PPIE: variants seen among roughly 807,000 people sequenced by gnomAD.
The protein encoded by PPIE is peptidylprolyl isomerase E.
In PPIE, 20 loss-of-function variants were observed where a neutral mutation model predicts 38.4. The observed-to-expected ratio is 0.52, with a 90% CI of 0.37 to 0.76. The LOEUF is 0.76. Among genes scored for constraint, PPIE ranks in the 30% least tolerant of loss-of-function variants. The probability of loss-of-function intolerance (pLI) is 0.00; values close to 1 mark genes in which losing one functional copy is unlikely to be tolerated. For synonymous variants in PPIE, 142 were observed against 135.7 expected, an observed-to-expected ratio of 1.05 and a Z score of -0.32; for missense variants, 322 against 385.8, an observed-to-expected ratio of 0.83 and a Z score of 1.39.
At position 39,763,912 on chromosome 1, in the gene PPIE, C is replaced by G. The variant is rs1009090217; in HGVS notation, c.*170C>G. ...TGTCAAATAAATGAATGACAGGAAACCATTTGGTCTCATAAAGCCCATCCC... is the reference window on the plus strand; with the variant it reads ...TGTCAAATAAATGAATGACAGGAAAGCATTTGGTCTCATAAAGCCCATCCC... On this transcript the variant is annotated 3_prime_UTR_variant, in exon 10 of 10. Coordinates refer to the PPIE transcript ENST00000356511. 3.3e-6 allele frequency: 4 copies of G among 1,228,938 alleles called. No individual in the cohort carries two copies. In the East Asian group the frequency reaches 7.3e-5, roughly 22 times the overall value. The allele number at this position is 1,228,938 out of a possible 1,614,324, so 76.1% of individuals were successfully genotyped here.
rs774142939 is a variant in PPIE, at chr1:39,741,887, C to A, written c.175-8C>A. The A allele has an allele frequency of 6.2e-7, 1 of 1,614,056 alleles. No homozygotes were observed. The highest frequency in any genetic ancestry group is 8.5e-7 in the Non-Finnish European group (1 of 1,180,008). ...GCCTAAACTTGTACCTTTGTCTTTC[C>A]TTGGCAGGATGCTGCAGCAGCTATC... On this transcript the variant is annotated splice_polypyrimidine_tract_variant and splice_region_variant and intron_variant, in intron 3 of 9. Transcript: ENST00000324379.
downstream of PPIE, among the ~76,000 whole-genome samples, chr1:39,760,884 CTG>C (rs1445213058): frequency 6.6e-6 from 1 of 152,094 alleles, no homozygotes. Context: ...GGAAGGAGAA[CTG>C]TGTGGCCAGG....
intron 6 of PPIE, among the ~76,000 whole-genome samples, 165 bp downstream of exon 6, chr1:39,744,089 T>A (rs1394017436): frequency 6.6e-6 from 1 of 152,194 alleles, no homozygotes; most frequent in Non-Finnish European, 1.5e-5. Context: ...CTTAGTACTT[T>A]GGTAAAGTCA....
intron 1 of PPIE, 102 bp downstream of exon 1, chr1:39,739,033 C>CT (rs1646991891): frequency 7.9e-7 from 1 of 1,267,394 alleles, no homozygotes; most frequent in African/African-American, 1.6e-5. Context: ...CGGCGAGCTG[C>CT]TGTCAAGGCC....
intron 9 of PPIE, chr1:39,762,696 C>G (rs1569778940): frequency 1.4e-6 from 2 of 1,476,134 alleles, no homozygotes; most frequent in East Asian, 5.0e-5. Flanking sequence ...GCACACATAT[C>G]ACGGGCGGTC....
Position 39,743,251 on chromosome 1 carries a change from C to A in PPIE, c.237C>A (p.Val79=). 1 of 1,614,124 alleles carries A rather than the reference C, an allele frequency of 6.2e-7. No homozygotes were observed. The highest frequency in any genetic ancestry group is 1.1e-5 in the South Asian group (1 of 91,068). The change falls in exon 5 of 10, where the codon GTC becomes GTA. Residue 79 remains valine (V), a synonymous_variant. Transcript: ENST00000324379. ...ESELFGRTIR[V]NLAKPMRIKE... ...AGCTTTTTGGACGTACAATTCGTGTCAATTTGGCCAAACCAATGAGAATTA... is the reference window on the plus strand; with the variant it reads ...AGCTTTTTGGACGTACAATTCGTGTAAATTTGGCCAAACCAATGAGAATTA...
Position 39,753,061 on chromosome 1 carries a change from C to G in PPIE, c.837+9C>G. The G allele has an allele frequency of 1.2e-6, 2 of 1,614,010 alleles. No homozygotes were observed. The highest frequency in any genetic ancestry group is 1.7e-6 in the Non-Finnish European group (2 of 1,179,998). On this transcript the variant is annotated intron_variant, in intron 9 of 9. Coordinates refer to ENST00000324379, the MANE Select transcript of PPIE (RefSeq NM_006112.4). ...TCTTGCGGCAAATTGAGGTATGTGG[C>G]CAGGAATGGGCCTCCTCCTTACCCA...
rs1647974491 is a variant in PPIE at position 39,753,489 on chromosome 1, G to A, written c.*134G>A. On this transcript the variant is annotated 3_prime_UTR_variant, in exon 10 of 10. Transcript: ENST00000324379. ...ATTTGGGATATGTGCCCTTCCTCAG[G>A]GTCTGCTTGGAGCAGCTCCTCTGCA... The A allele has an allele frequency of 6.8e-7, 1 of 1,471,076 alleles. No homozygotes were observed. The highest frequency in any genetic ancestry group is 9.0e-7 in the Non-Finnish European group (1 of 1,112,936). The allele number at this position is 1,471,076 out of a possible 1,614,324, so 91.1% of individuals were successfully genotyped here. A position where few individuals can be genotyped will look rare whatever the true frequency, so the allele number is the denominator to read the frequency against.
rs201342411 is a variant in PPIE at position 39,753,383 on chromosome 1, G to A, written c.*28G>A. On this transcript the variant is annotated 3_prime_UTR_variant, in exon 10 of 10. Transcript: ENST00000324379. ...CGGCACTCTCTCTGCTTCCCCCTCC[G>A]CTCTTGACCCTGCATATCCAGGAAG... 1.2e-5 allele frequency: 19 copies of A among 1,609,470 alleles called. No homozygotes were observed. The highest frequency in any genetic ancestry group is 4.5e-5 in the East Asian group (2 of 44,894).
At position 39,754,014 on chromosome 1, in the gene PPIE, AT is replaced by A. The variant is rs1648028427; in HGVS notation, c.*663del. On this transcript the variant is annotated 3_prime_UTR_variant, in exon 10 of 10. Coordinates refer to ENST00000324379, the MANE Select transcript of PPIE (RefSeq NM_006112.4). ...TTATTTGTTCACTTTCACCCTACAG[AT>A]TTTAAAAAATGAAATTTTTATAACT... 1.0e-6 allele frequency: 1 copy of A among 985,426 alleles called. No individual in the cohort carries two copies. Among genetic ancestry groups the A allele is most frequent in the Admixed American group, 6.1e-5 (1 of 16,288 alleles). The allele number at this position is 985,426 out of a possible 1,614,324, so 61.0% of individuals were successfully genotyped here.
downstream of PPIE, chr1:39,760,272 T>G: frequency 2.3e-6 from 3 of 1,293,096 alleles, no homozygotes; most frequent in Non-Finnish European, 3.1e-6. Flanking sequence ...GAGCCTGGCA[T>G]GAAGGAGAAA....
intron 7 of PPIE, chr1:39,746,976 C>G (rs1186672058): frequency 1.3e-5 from 2 of 152,158 alleles, no homozygotes; most frequent in Non-Finnish European, 2.9e-5. Context: ...TTTCTCCTCC[C>G]CTTAGCTTCT....
downstream of PPIE, chr1:39,758,186 T>C (rs1287325330): frequency 6.6e-6 from 1 of 152,156 alleles, no homozygotes; most frequent in Non-Finnish European, 1.5e-5. Flanking sequence ...ATCTTTGATG[T>C]TAAGAAGGAA....
At chr1:39,750,147 C>A (rs1039458107) in intron 8 of PPIE, among the ~76,000 whole-genome samples, 16 of 151,418 alleles carry the variant, frequency 1.1e-4, no homozygotes, top group African/African-American at 2.9e-4. Flanking sequence ...AAAAAAAAAA[C>A]AAACTTCATC....
intron 7 of PPIE, chr1:39,746,405 G>C (rs777557152): frequency 6.6e-6 from 1 of 152,154 alleles, no homozygotes; most frequent in African/African-American, 2.4e-5. Context: ...TCTTGTTAAG[G>C]GGAGATGAGG....
rs1648131227 is a variant in PPIE at position 39,755,156 on chromosome 1, T to G, written c.*1801T>G. 1 of 985,366 alleles carries G rather than the reference T, an allele frequency of 1.0e-6. No homozygotes were observed. Among genetic ancestry groups the G allele is most frequent in the African/African-American group, 1.7e-5 (1 of 57,250 alleles). The allele number at this position is 985,366 out of a possible 1,614,324, so 61.0% of individuals were successfully genotyped here. Reference sequence around the variant, plus strand: ...GGCGGTTATAAAGAATCTCATCTGCTGAAGGCTTTTAGCAGGGACTGAGTC... The same window carrying G: ...GGCGGTTATAAAGAATCTCATCTGCGGAAGGCTTTTAGCAGGGACTGAGTC... On this transcript the variant is annotated 3_prime_UTR_variant, in exon 10 of 10. Transcript: ENST00000324379.
intron 6 of PPIE, among the ~76,000 whole-genome samples, chr1:39,744,439 C>T (rs1647143003): frequency 1.3e-5 from 2 of 152,366 alleles, no homozygotes; most frequent in East Asian, 3.9e-4. Flanking sequence ...CAGTTGCTTC[C>T]TGGGCGTCCC....
At chr1:39,745,236 A>G (rs928384707) in intron 6 of PPIE, 139 bp from the exon 7 acceptor site, 44 of 1,167,412 alleles carry the variant, frequency 3.8e-5, no homozygotes, top group Non-Finnish European at 4.9e-5. Flanking sequence ...CAGCCCTATC[A>G]GGGCCCAAGG....
intron 7 of PPIE, chr1:39,748,647 A>C: frequency 4.6e-6 from 2 of 432,196 alleles, no homozygotes; most frequent in Middle Eastern, 6.9e-4. Context: ...AGGCAGGGGA[A>C]TGACTTGAAC....
Sources: allele counts gnomAD v4.1 joint callset (sites outside exome capture counted in the v4.1 genomes callset), GRCh38; gene constraint gnomAD v4.1.1; transcripts MANE v1.5; gene names NCBI Gene and HGNC (gene_info 2026-07-23, HGNC 2026-07-21).